Variants in OSBPL11 observed in about 807,000 individuals in gnomAD.
The protein encoded by OSBPL11 is oxysterol binding protein like 11, also known as oxysterol-binding protein-related protein 11.
A neutral mutation model predicts 84.4 loss-of-function variants in OSBPL11; 33 were observed. The ratio of observed to expected loss-of-function variants is 0.39; its 90% CI spans 0.30 to 0.52. OSBPL11 has a LOEUF of 0.52. Among genes scored for constraint, OSBPL11 ranks in the 20% least tolerant of loss-of-function variants. The pLI, the probability that OSBPL11 is intolerant of heterozygous loss-of-function variation, is 0.72. For missense variants in OSBPL11, 736 were observed against 901.1 expected (o/e 0.82, Z 2.35); for synonymous variants, 276 against 310.2 (o/e 0.89, Z 1.16).
At chr3:125,549,276 G>A (rs534732234) in intron 9 of OSBPL11, among the ~76,000 whole-genome samples, 14 of 152,176 alleles carry the variant, frequency 9.2e-5, no homozygotes, top group African/African-American at 2.6e-4. Context: ...CACCCACCTC[G>A]GGCTCCCAAA....
chr3:125,537,375 A>G (rs1935656998), intron 11 of OSBPL11, among the ~76,000 whole-genome samples: 1 of 152,102 alleles, frequency 6.6e-6, no homozygotes, highest in Non-Finnish European at 1.5e-5. Context: ...CACCATCATA[A>G]GAGCCCACAG....
At chr3:125,544,070 A>ATTTT (rs35835902) in intron 10 of OSBPL11, among the ~76,000 whole-genome samples, 1 of 136,816 alleles carries the variant, frequency 7.3e-6, no homozygotes, top group Non-Finnish European at 1.6e-5. Context: ...ATGAACCAAG[A>ATTTT]TTTTTTTTTT....
intron 2 of OSBPL11, among the ~76,000 whole-genome samples, chr3:125,582,024 GTTTTAAAC>G (rs1936435225): frequency 6.6e-6 from 1 of 151,916 alleles, no homozygotes; most frequent in African/African-American, 2.4e-5. Flanking sequence ...ACTCTAAAAA[GTTTTAAAC>G]TTTTAAAATT....
chr3:125,533,285 C>T (rs1205464383), intron 11 of OSBPL11, among the ~76,000 whole-genome samples: 1 of 146,300 alleles, frequency 6.8e-6, no homozygotes, highest in Non-Finnish European at 1.5e-5. Flanking sequence ...GTCTCACTGT[C>T]ACCATCTCAG....
rs777449941 is a variant in OSBPL11 at position 125,567,405 on chromosome 3, G to A, written c.857C>T (p.Ser286Leu). The A allele has an allele frequency of 6.2e-7, 1 of 1,613,186 alleles. No homozygotes were observed. The highest frequency in any genetic ancestry group is 8.5e-7 in the Non-Finnish European group (1 of 1,179,202). The change falls in exon 6 of 13, where the codon TCA (serine) becomes TTA (leucine). Residue 286 changes from serine (S) to leucine (L), a missense_variant. By Grantham distance (145) the Ser-to-Leu change is moderately radical (BLOSUM62 -2). Around this residue, in one of 3 missense-constraint regions of OSBPL11, gnomAD observed 579 missense variants for 717.6 expected, o/e 0.81. Transcript: ENST00000296220. ...QLQHASHQKG[S>L]LPSGTTIEWL... is the part of the protein sequence containing the mutation. Reference sequence around the variant, plus strand: ...AATCGACAACTTACCTGAAGGCAATGAGCCCTTCTGATGTGATGCATGCTG... The same window carrying A: ...AATCGACAACTTACCTGAAGGCAATAAGCCCTTCTGATGTGATGCATGCTG...
intron 2 of OSBPL11, among the ~76,000 whole-genome samples, chr3:125,582,260 C>T (rs993330611): frequency 5.3e-5 from 8 of 151,168 alleles, no homozygotes; most frequent in African/African-American, 1.2e-4. Context: ...ACTTGAACCC[C>T]GGAGGCAGAG....
chr3:125,553,612 A>C (rs1935946504), intron 8 of OSBPL11, among the ~76,000 whole-genome samples: 1 of 152,240 alleles, frequency 6.6e-6, no homozygotes, highest in Non-Finnish European at 1.5e-5. Context: ...TAGTACTTAC[A>C]TTCCAAGAAT....
intron 8 of OSBPL11, among the ~76,000 whole-genome samples, chr3:125,559,500 C>T (rs115572338): frequency 0.031 from 4,785 of 152,160 alleles, 96 homozygotes; most frequent in East Asian, 0.065. Context: ...GCGATCCTCC[C>T]ACCTCAGCTT....
chr3:125,532,583 A>C (rs1324843175), intron 11 of OSBPL11, among the ~76,000 whole-genome samples: 5 of 150,642 alleles, frequency 3.3e-5, no homozygotes, highest in Non-Finnish European at 7.4e-5. Context: ...CAAGCAAAAA[A>C]AAAAAAAAAC....
Position 125,560,336 on chromosome 3 carries a change from C to T in OSBPL11, c.1155+43G>A, listed in dbSNP as rs1385051178. Reference sequence around the variant, plus strand: ...ACATAAACATGAACAATTACTGGTACAGCCCTTAACAATCTCCATAGCCAG... The same window carrying T: ...ACATAAACATGAACAATTACTGGTATAGCCCTTAACAATCTCCATAGCCAG... On this transcript the variant is annotated intron_variant, in intron 8 of 12. Coordinates refer to ENST00000296220, the MANE Select transcript of OSBPL11 (RefSeq NM_022776.5). The T allele has an allele frequency of 5.0e-6, 7 of 1,408,216 alleles. No individual in the cohort carries two copies. In the Admixed American group the frequency reaches 7.1e-5, roughly 14 times the overall value. 87.2% of individuals were successfully genotyped at this position (1,408,216 alleles called of 1,614,324 possible). A position where few individuals can be genotyped will look rare whatever the true frequency, so the allele number is the denominator to read the frequency against.
Position 125,530,488 on chromosome 3 carries a change from A to G in OSBPL11, c.*27T>C, listed in dbSNP as rs780116890. The G allele has an allele frequency of 6.2e-7, 1 of 1,600,036 alleles. No homozygotes were observed. On this transcript the variant is annotated 3_prime_UTR_variant, in exon 13 of 13. Coordinates refer to ENST00000296220, the MANE Select transcript of OSBPL11 (RefSeq NM_022776.5). ...TTTAGGGTAAACAGAGAAGAACCTC[A>G]TTTGGTCGAGTTTTAGATAGTATGT...
chr3:125,565,982 C>G (rs779027432), intron 6 of OSBPL11, among the ~76,000 whole-genome samples: 2 of 151,972 alleles, frequency 1.3e-5, no homozygotes, highest in Admixed American at 6.6e-5. Flanking sequence ...CAGTTTGTTC[C>G]TTTTGGTAGT....
intron 1 of OSBPL11, among the ~76,000 whole-genome samples, chr3:125,584,893 C>T (rs187496099): frequency 6.6e-6 from 1 of 152,278 alleles, no homozygotes; most frequent in Admixed American, 6.5e-5. Context: ...CCTCCTACCT[C>T]AGCATCTGAG....
At chr3:125,570,285 A>G (rs1195378177) in intron 5 of OSBPL11, among the ~76,000 whole-genome samples, 1 of 149,446 alleles carries the variant, frequency 6.7e-6, no homozygotes, top group African/African-American at 2.5e-5. Context: ...TGAGGCCAGG[A>G]GTTCAAGACC....
chr3:125,577,705 T>C (rs961075953), intron 4 of OSBPL11, among the ~76,000 whole-genome samples: 7 of 152,138 alleles, frequency 4.6e-5, no homozygotes, highest in Non-Finnish European at 1.0e-4. Flanking sequence ...GGCAGGTGCC[T>C]GTAGTCCTAG....
intron 1 of OSBPL11, among the ~76,000 whole-genome samples, chr3:125,585,317 G>C (rs2107612025): frequency 1.3e-5 from 2 of 152,124 alleles, no homozygotes; most frequent in South Asian, 4.2e-4. Context: ...TTTTAGTAGA[G>C]ATGGAGTTTC....
At chr3:125,541,544 CT>C (rs1313765315) in intron 10 of OSBPL11, among the ~76,000 whole-genome samples, 1 of 152,084 alleles carries the variant, frequency 6.6e-6, no homozygotes, top group African/African-American at 2.4e-5. Flanking sequence ...GACACTAAGG[CT>C]CAAAAATTTA....
At chr3:125,579,492 T>G (rs1044741500) in intron 3 of OSBPL11, among the ~76,000 whole-genome samples, 1 of 152,202 alleles carries the variant, frequency 6.6e-6, no homozygotes, top group African/African-American at 2.4e-5. Flanking sequence ...GACATTATAA[T>G]AAATCCCAAT....
chr3:125,587,383 G>A (rs1936529928), intron 1 of OSBPL11, among the ~76,000 whole-genome samples: 1 of 152,174 alleles, frequency 6.6e-6, no homozygotes, highest in African/African-American at 2.4e-5. Flanking sequence ...GACTATACAG[G>A]GAGATATCCA....
Sources: gnomAD v4.1 joint callset for allele counts (sites outside exome capture counted in the v4.1 genomes callset) on GRCh38, gnomAD v4.1.1 for gene constraint, gnomAD v4.1.1 regional missense constraint, MANE v1.5 for transcripts, NCBI Gene and HGNC (gene_info 2026-07-23, HGNC 2026-07-21) for gene names.